The following OGFOD1 variants were observed in gnomAD, a reference collection of about 807,000 sequenced individuals.
The protein encoded by OGFOD1 is 2-oxoglutarate and iron dependent oxygenase domain containing 1, also known as prolyl 3-hydroxylase OGFOD1.
OGFOD1 carries 54 observed loss-of-function variants against 67.7 expected under a neutral mutation model. That is an observed-to-expected ratio of 0.80 (90% CI 0.64 to 1.00). The LOEUF is 1.00. Ranked by LOEUF, OGFOD1 falls within the 50% of genes least tolerant of loss-of-function variation. OGFOD1 has a pLI of 0.00. For synonymous variants in OGFOD1, 221 were observed against 227.0 expected (o/e 0.97, Z 0.24); for missense variants, 606 against 646.7 (o/e 0.94, Z 0.68).
rs1396342950 is a variant in OGFOD1, at chr16:56,476,277, G to A, written c.*72G>A. On this transcript the variant is annotated 3_prime_UTR_variant, in exon 13 of 13. Transcript: ENST00000566157. ...GGGAAGTCTGAAAGAGCTAAGCATG[G>A]AGTCAAGGAGAACTACATGGTAGCT... is the stretch of plus-strand genomic sequence containing the variant. 2.1e-6 allele frequency: 3 copies of A among 1,407,996 alleles called. No individual in the cohort carries two copies. The East Asian group carries it at 7.0e-5, about 33-fold the overall frequency. The allele number at this position is 1,407,996 out of a possible 1,614,324, so 87.2% of individuals were successfully genotyped here. A position where few individuals can be genotyped will look rare whatever the true frequency, so the allele number is the denominator to read the frequency against.
rs1491077522 is a variant in OGFOD1, at chr16:56,467,428, T to TC, written c.786+137dup. On this transcript the variant is annotated intron_variant, in intron 7 of 12. Transcript: ENST00000566157. ...CTTTCCACTTTTCTTTTTTTTTTCT[T>TC]CCTTTTTTTTTTTTTTGAGACAGAG... is the stretch of plus-strand genomic sequence containing the variant. 5.9e-6 allele frequency: 6 copies of TC among 1,016,248 alleles called. No individual in the cohort carries two copies. The African/African-American group carries it at 8.2e-5, about 14-fold the overall frequency. 63.0% of individuals were successfully genotyped at this position (1,016,248 alleles called of 1,614,324 possible).
intron 4 of OGFOD1, among the ~76,000 whole-genome samples, chr16:56,465,340 A>C (rs1962859873): frequency 6.6e-6 from 1 of 152,210 alleles, no homozygotes; most frequent in Non-Finnish European, 1.5e-5. Flanking sequence ...TAGATATAGG[A>C]AACTGAATTC....
intron 8 of OGFOD1, 23 bp from the exon 9 acceptor site, chr16:56,469,980 T>C: frequency 6.3e-7 from 1 of 1,593,854 alleles, no homozygotes; most frequent in Non-Finnish European, 8.6e-7. Flanking sequence ...TGCTGAATGC[T>C]TCTTTATTTG....
chr16:56,458,483 T>A (rs775344526), intron 2 of OGFOD1, 65 bp from the exon 3 acceptor site: 20 of 1,424,850 alleles, frequency 1.4e-5, no homozygotes, highest in Non-Finnish European at 2.0e-5. Context: ...CTCACTAAAC[T>A]GCTCTCCTTT....
chr16:56,451,589 C>A lies in OGFOD1; in HGVS notation c.-24C>A. On this transcript the variant is annotated 5_prime_UTR_variant, in exon 1 of 13. Transcript: ENST00000566157. ...GAAGGTAGCGTCTTGATCTGCGTGG[C>A]GTGGTTCTGTGCCTTGGGAAGAGAT... The A allele has an allele frequency of 6.2e-7, 1 of 1,612,098 alleles. No individual in the cohort carries two copies. The highest frequency in any genetic ancestry group is 8.5e-7 in the Non-Finnish European group (1 of 1,179,576).
At chr16:56,463,175 G>GT (rs1352623325) in intron 4 of OGFOD1, among the ~76,000 whole-genome samples, 3 of 151,870 alleles carry the variant, frequency 2.0e-5, no homozygotes, top group African/African-American at 4.8e-5. Context: ...CATATAAATG[G>GT]TTTTTTTGGA....
Position 56,468,268 on chromosome 16 carries a change from G to C in OGFOD1, c.900+250G>C, listed in dbSNP as rs192802634. On this transcript the variant is annotated intron_variant, in intron 8 of 12. Transcript: ENST00000566157. ...GTCTTAAACACACACACACACACAA[G>C]CTTCCACCCTGAAAAGGAGTTGTGT... 2.0e-5 allele frequency among the ~76,000 whole-genome samples: 3 copies of C among 152,240 alleles called. No homozygotes were observed. In the East Asian group the frequency reaches 5.8e-4, roughly 29 times the overall value.
intron 4 of OGFOD1, among the ~76,000 whole-genome samples, chr16:56,464,285 G>A (rs1392052988): frequency 6.6e-6 from 1 of 152,160 alleles, no homozygotes; most frequent in Non-Finnish European, 1.5e-5. Context: ...CATTATTAGT[G>A]ATATGAACTT....
At chr16:56,454,413 C>G (rs1962445432) in intron 2 of OGFOD1, among the ~76,000 whole-genome samples, 1 of 148,958 alleles carries the variant, frequency 6.7e-6, no homozygotes, top group Admixed American at 6.7e-5. Flanking sequence ...ACAGTATGCT[C>G]TACATTGCAG....
intron 2 of OGFOD1, among the ~76,000 whole-genome samples, chr16:56,455,429 GA>G (rs1190181281): frequency 2.2e-4 from 31 of 142,742 alleles, no homozygotes; most frequent in East Asian, 4.1e-4. Flanking sequence ...TTGGGTGATT[GA>G]AAAAAAAAAA....
intron 6 of OGFOD1, 34 bp downstream of exon 6, chr16:56,467,001 GATT>G (rs1438387524): frequency 5.8e-6 from 9 of 1,560,154 alleles, no homozygotes; most frequent in Admixed American, 5.0e-5. Flanking sequence ...GAGTAGCAAG[GATT>G]ATGTTTTTTA....
Position 56,463,384 on chromosome 16 carries a change from G to GTTTTTTTTT in OGFOD1, c.448+772_448+780dup, listed in dbSNP as rs56388148. The stretch of plus-strand genomic sequence containing the variant: ...TACTGCCATGTCATTTCTTTTTTGG[G>GTTTTTTTTT]TTTTTTTTTTTTTTTTTTTTTTTTT... On this transcript the variant is annotated intron_variant, in intron 4 of 12. Coordinates refer to ENST00000566157, the MANE Select transcript of OGFOD1 (RefSeq NM_018233.4). Among the ~76,000 whole-genome samples the GTTTTTTTTT allele has an allele frequency of 2.1e-3, 91 of 43,812 alleles. 1 individual carries two copies. Among genetic ancestry groups the GTTTTTTTTT allele is most frequent in the South Asian group, 4.3e-3 (3 of 704 alleles). 28.7% of individuals were successfully genotyped at this position (43,812 alleles called of 152,430 possible).
chr16:56,458,634 C>G, intron 3 of OGFOD1, 40 bp downstream of exon 3: 3 of 1,509,840 alleles, frequency 2.0e-6, no homozygotes, highest in Non-Finnish European at 2.8e-6. Flanking sequence ...TAATATGTGC[C>G]AGGCAGAGTA....
chr16:56,476,281 C>G lies in OGFOD1; in HGVS notation c.*76C>G, dbSNP rs866106680. On this transcript the variant is annotated 3_prime_UTR_variant, in exon 13 of 13. Coordinates refer to ENST00000566157, the MANE Select transcript of OGFOD1 (RefSeq NM_018233.4). ...AGTCTGAAAGAGCTAAGCATGGAGT[C>G]AAGGAGAACTACATGGTAGCTTGCC... 17 of 1,370,428 alleles carry G rather than the reference C, an allele frequency of 1.2e-5. No individual in the cohort carries two copies. In the South Asian group the frequency reaches 2.3e-4, roughly 19 times the overall value. The allele number at this position is 1,370,428 out of a possible 1,614,324, so 84.9% of individuals were successfully genotyped here. A position where few individuals can be genotyped will look rare whatever the true frequency, so the allele number is the denominator to read the frequency against.
chr16:56,473,671 G>A (rs565961912), intron 10 of OGFOD1, among the ~76,000 whole-genome samples: 5 of 151,328 alleles, frequency 3.3e-5, no homozygotes, highest in Admixed American at 6.6e-5. Context: ...CTAATGGTGC[G>A]TGGTTGTATA....
At chr16:56,460,120 T>C (rs1962663766) in intron 3 of OGFOD1, among the ~76,000 whole-genome samples, 2 of 152,198 alleles carry the variant, frequency 1.3e-5, no homozygotes, top group Non-Finnish European at 2.9e-5. Context: ...TAGACTTTTT[T>C]CCCCCTAAAG....
At chr16:56,470,387 G>C (rs531380275) in intron 9 of OGFOD1, 100 bp from the exon 10 acceptor site, 2 of 1,145,976 alleles carry the variant, frequency 1.7e-6, no homozygotes, top group African/African-American at 1.5e-5. Flanking sequence ...GCTGTGCCAA[G>C]ATTTAGGAAG....
rs538794437 is a variant in OGFOD1 at position 56,473,485 on chromosome 16, CA to C, written c.1286-1340del. Among the ~76,000 whole-genome samples the C allele has an allele frequency of 2.8e-3, 432 of 152,294 alleles. 1 individual carries two copies. Among genetic ancestry groups the C allele is most frequent in the Non-Finnish European group, 4.1e-3 (281 of 68,032 alleles). On this transcript the variant is annotated intron_variant, in intron 10 of 12. Coordinates refer to ENST00000566157, the MANE Select transcript of OGFOD1 (RefSeq NM_018233.4). The stretch of plus-strand genomic sequence containing the variant: ...CTTCTCAGAAGTACAGGTGATACAT[CA>C]AAGACTGCTCAAAATTTTAAGGCAG...
intron 2 of OGFOD1, chr16:56,454,687 A>AT: frequency 2.7e-6 from 1 of 370,210 alleles, no homozygotes; most frequent in Non-Finnish European, 5.3e-6. Context: ...GATGAAGAAT[A>AT]ATTTTTTTTT....
Sources: allele counts gnomAD v4.1 joint callset (sites outside exome capture counted in the v4.1 genomes callset), GRCh38; gene constraint gnomAD v4.1.1; transcripts MANE v1.5; gene names NCBI Gene and HGNC (gene_info 2026-07-23, HGNC 2026-07-21).